AKR1C8: variants seen among roughly 807,000 people sequenced by gnomAD.
AKR1C8 encodes aldo-keto reductase family 1 member C-like protein 1.
At chr10:5,167,844 C>T in the AKR1C8 span, among the ~76,000 whole-genome samples, 673 of 152,026 alleles carry the variant, frequency 4.4e-3, 6 homozygotes, top group Non-Finnish European at 6.8e-3. Context: ...TAAAATGATA[C>T]GTGATGCTAG....
chr10:5,116,935 G>C, the AKR1C8 span, among the ~76,000 whole-genome samples: 1 of 152,162 alleles, frequency 6.6e-6, no homozygotes. Context: ...TCCCACACTT[G>C]TTGGCCGAAG....
At chr10:5,175,419 A>G in the AKR1C8 span, among the ~76,000 whole-genome samples, 68 of 152,234 alleles carry the variant, frequency 4.5e-4, no homozygotes, top group African/African-American at 1.6e-3. Flanking sequence ...TGTTGTGAAT[A>G]GTGCTGCAAT....
the AKR1C8 span, among the ~76,000 whole-genome samples, chr10:5,115,861 A>G: frequency 6.6e-6 from 1 of 152,190 alleles, no homozygotes; most frequent in Non-Finnish European, 1.5e-5. Context: ...TGGTTTTAAC[A>G]AAAGGAGGAA....
chr10:5,117,989 C>A, the AKR1C8 span, among the ~76,000 whole-genome samples: 2 of 152,096 alleles, frequency 1.3e-5, no homozygotes, highest in African/African-American at 4.8e-5. Flanking sequence ...GCCCCTGATC[C>A]ATAACCTCAT....
At chr10:5,149,570 T>C in the AKR1C8 span, among the ~76,000 whole-genome samples, 2 of 152,150 alleles carry the variant, frequency 1.3e-5, no homozygotes, top group African/African-American at 4.8e-5. Context: ...TTACTGGACC[T>C]GTCATAAAAT....
the AKR1C8 span, among the ~76,000 whole-genome samples, chr10:5,139,539 A>G: frequency 1.3e-5 from 2 of 152,216 alleles, no homozygotes; most frequent in Non-Finnish European, 2.9e-5. Context: ...TGACAAAAAC[A>G]AGAAATGGGG....
chr10:5,183,810 C>T, the AKR1C8 span, among the ~76,000 whole-genome samples: 182 of 152,252 alleles, frequency 1.2e-3, 1 homozygote, highest in African/African-American at 4.1e-3. Flanking sequence ...ACCTCCAGCT[C>T]ACTCAGATAA....
the AKR1C8 span, among the ~76,000 whole-genome samples, chr10:5,131,020 G>C: frequency 1.3e-5 from 2 of 151,834 alleles, no homozygotes; most frequent in African/African-American, 2.4e-5. Context: ...AAACAAAATA[G>C]AGAACCCAGA....
chr10:5,182,299 A>T, the AKR1C8 span, among the ~76,000 whole-genome samples: 56 of 152,318 alleles, frequency 3.7e-4, no homozygotes, highest in African/African-American at 1.3e-3. Context: ...CTTTGACTGG[A>T]AGGATATATT....
chr10:5,135,723 T>C, the AKR1C8 span, among the ~76,000 whole-genome samples: 5 of 149,984 alleles, frequency 3.3e-5, no homozygotes, highest in African/African-American at 9.9e-5. Flanking sequence ...TTTTATGTCA[T>C]ATAAATGATC....
the AKR1C8 span, among the ~76,000 whole-genome samples, chr10:5,128,421 T>A: frequency 0.39 from 59,587 of 151,848 alleles, 12,488 homozygotes; most frequent in Non-Finnish European, 0.43. Context: ...TGAAAAGAAC[T>A]GTACCTCACA....
chr10:5,172,532 T>C, the AKR1C8 span, among the ~76,000 whole-genome samples: 1 of 152,090 alleles, frequency 6.6e-6, no homozygotes, highest in Admixed American at 6.6e-5. Context: ...TTAATTTTTA[T>C]TTATTAAAAA....
the AKR1C8 span, among the ~76,000 whole-genome samples, chr10:5,146,244 A>C: frequency 2.0e-5 from 3 of 151,584 alleles, no homozygotes; most frequent in East Asian, 5.9e-4. Context: ...GATATACCGA[A>C]TGCTAGATGA....
At chr10:5,124,709 T>A in the AKR1C8 span, among the ~76,000 whole-genome samples, 1 of 152,290 alleles carries the variant, frequency 6.6e-6, no homozygotes, top group Middle Eastern at 3.4e-3. Flanking sequence ...TTGTGGAATA[T>A]AACTTTACCT....
At chr10:5,124,230 T>C in the AKR1C8 span, among the ~76,000 whole-genome samples, 1 of 152,226 alleles carries the variant, frequency 6.6e-6, no homozygotes, top group Non-Finnish European at 1.5e-5. Flanking sequence ...ATATTACTAG[T>C]AATGTTTGTA....
chr10:5,170,621 A>G, the AKR1C8 span, among the ~76,000 whole-genome samples: 1 of 152,152 alleles, frequency 6.6e-6, no homozygotes, highest in Non-Finnish European at 1.5e-5. Context: ...CTGGCCTGCT[A>G]GAAAGTGACA....
At chr10:5,173,543 G>A in the AKR1C8 span, among the ~76,000 whole-genome samples, 2 of 151,582 alleles carry the variant, frequency 1.3e-5, no homozygotes, top group East Asian at 3.9e-4. Context: ...TAGAAAACCT[G>A]AACATAACTA....
the AKR1C8 span, among the ~76,000 whole-genome samples, chr10:5,182,478 G>T: frequency 6.6e-6 from 1 of 152,160 alleles, no homozygotes; most frequent in South Asian, 2.1e-4. Flanking sequence ...ACCTCAAAAA[G>T]AGAAAAATTG....
chr10:5,143,721 A>C, the AKR1C8 span, among the ~76,000 whole-genome samples: 3 of 148,062 alleles, frequency 2.0e-5, no homozygotes, highest in Admixed American at 6.8e-5. Context: ...TTAGATATAT[A>C]TTATATATAA....
Sources: allele counts gnomAD v4.1 joint callset (sites outside exome capture counted in the v4.1 genomes callset), GRCh38; gene constraint gnomAD v4.1.1; transcripts MANE v1.5; gene names NCBI Gene and HGNC (gene_info 2026-07-23, HGNC 2026-07-21).